LARGE1: variants seen among roughly 807,000 people sequenced by gnomAD.
LARGE1 encodes xylosyl- and glucuronyltransferase LARGE1.
Under a neutral mutation model 87.6 loss-of-function variants are expected in LARGE1, and 43 were observed. The ratio of observed to expected loss-of-function variants is 0.49; its 90% CI spans 0.38 to 0.63. The LOEUF (loss-of-function observed/expected upper bound fraction) is 0.63, where lower values mean the gene tolerates loss of function less well. Among genes scored for constraint, LARGE1 ranks in the 30% least tolerant of loss-of-function variants. LARGE1 has a pLI of 0.00. For missense variants in LARGE1, 802 were observed against 1,000.2 expected (o/e 0.80, Z 2.67); for synonymous variants, 434 against 394.6 (o/e 1.10, Z -1.18).
At chr22:33,799,412 G>T (rs1444164961) in intron 1 of LARGE1, among the ~76,000 whole-genome samples, 2 of 152,094 alleles carry the variant, frequency 1.3e-5, no homozygotes, top group Non-Finnish European at 2.9e-5. Context: ...AAAAAGGGAT[G>T]GCTGTTTTTG....
chr22:33,430,462 C>T (rs1255779164), intron 7 of LARGE1, among the ~76,000 whole-genome samples: 1 of 152,194 alleles, frequency 6.6e-6, no homozygotes, highest in Admixed American at 6.5e-5. Flanking sequence ...CCCCATCATC[C>T]AGCAACTAAA....
At chr22:33,585,016 C>T (rs570514477) in intron 5 of LARGE1, among the ~76,000 whole-genome samples, 1 of 152,252 alleles carries the variant, frequency 6.6e-6, no homozygotes, top group South Asian at 2.1e-4. Flanking sequence ...GCTCCAGAGG[C>T]TGAGGCATGA....
At chr22:33,365,467 T>A (rs1404339490) in intron 9 of LARGE1, among the ~76,000 whole-genome samples, 1 of 152,222 alleles carries the variant, frequency 6.6e-6, no homozygotes, top group Non-Finnish European at 1.5e-5. Context: ...TATCTTTTCA[T>A]GTGTTTATTG....
intron 2 of LARGE1, among the ~76,000 whole-genome samples, chr22:33,704,530 G>A (rs746459342): frequency 5.9e-5 from 9 of 152,094 alleles, no homozygotes; most frequent in Admixed American, 2.6e-4. Flanking sequence ...CATCTGCCGG[G>A]AGCCTCTCGC....
chr22:33,132,850 ATACACT>A, the LARGE1 span, among the ~76,000 whole-genome samples: 1 of 152,114 alleles, frequency 6.6e-6, no homozygotes, highest in Admixed American at 6.6e-5. Flanking sequence ...TGCATGTAAC[ATACACT>A]TTTAAGACGA....
At chr22:33,600,645 G>A (rs1435457974) in intron 5 of LARGE1, among the ~76,000 whole-genome samples, 1 of 145,126 alleles carries the variant, frequency 6.9e-6, no homozygotes. Context: ...GAAAGAAGGA[G>A]CAAAATGAAT....
intron 9 of LARGE1, among the ~76,000 whole-genome samples, chr22:33,365,259 T>C (rs1018782924): frequency 2.0e-5 from 3 of 152,110 alleles, no homozygotes; most frequent in Non-Finnish European, 1.5e-5. Flanking sequence ...AAGACCCAGA[T>C]TGTAAGGTAT....
the LARGE1 span, among the ~76,000 whole-genome samples, chr22:33,134,040 C>T: frequency 4.6e-5 from 7 of 152,208 alleles, no homozygotes; most frequent in Admixed American, 2.6e-4. Context: ...AAATCAAAGA[C>T]AATCACTCCT....
intron 1 of LARGE1, among the ~76,000 whole-genome samples, chr22:33,855,323 G>T (rs1442929257): frequency 6.6e-6 from 1 of 152,084 alleles, no homozygotes; most frequent in African/African-American, 2.4e-5. Flanking sequence ...AAGACAGCGG[G>T]ACCCCGTCTC....
At chr22:33,651,227 A>C in intron 2 of LARGE1, among the ~76,000 whole-genome samples, 1 of 128,418 alleles carries the variant, frequency 7.8e-6, no homozygotes, top group East Asian at 2.1e-4. Context: ...TAAAAATACA[A>C]AAAAAAAAAA....
chr22:33,910,157 A>T (rs1223528669), intron 1 of LARGE1, among the ~76,000 whole-genome samples: 1 of 152,138 alleles, frequency 6.6e-6, no homozygotes, highest in African/African-American at 2.4e-5. Context: ...AACTTATGAC[A>T]CATTTTTTGC....
intron 2 of LARGE1, among the ~76,000 whole-genome samples, chr22:33,692,538 T>A (rs1416617970): frequency 6.6e-6 from 1 of 152,238 alleles, no homozygotes; most frequent in Non-Finnish European, 1.5e-5. Flanking sequence ...CATGAACTCC[T>A]GACCTCAGGT....
intron 6 of LARGE1, among the ~76,000 whole-genome samples, chr22:33,490,882 T>C (rs1172988984): frequency 6.6e-6 from 1 of 152,220 alleles, no homozygotes; most frequent in Non-Finnish European, 1.5e-5. Flanking sequence ...TGTTCACCTC[T>C]TCCTACCATT....
At position 33,591,736 on chromosome 22, in the gene LARGE1, G is replaced by A. The variant is rs529837478; in HGVS notation, c.615+12699C>T. 1.2e-4 allele frequency among the ~76,000 whole-genome samples: 18 copies of A among 151,244 alleles called. 1 individual carries two copies. In the South Asian group the frequency reaches 3.8e-3, roughly 32 times the overall value. The stretch of plus-strand genomic sequence containing the variant: ...TTTAAGAAATCTCTCTGCCAGGCAT[G>A]GTGGCTCACACCTGTAATCCCAACA... On this transcript the variant is annotated intron_variant, in intron 5 of 14. Transcript: ENST00000397394.
intron 7 of LARGE1, among the ~76,000 whole-genome samples, chr22:33,387,525 T>TGG (rs57007465): frequency 0.065 from 7,187 of 109,846 alleles, 640 homozygotes; most frequent in African/African-American, 0.2. Flanking sequence ...TATTAAAAAA[T>TGG]GGGGGGGGGG....
Position 33,898,152 on chromosome 22 carries a change from G to C in LARGE1, c.-83+21843C>G, listed in dbSNP as rs1333464554. 2.6e-5 allele frequency among the ~76,000 whole-genome samples: 4 copies of C among 152,276 alleles called. No individual in the cohort carries two copies. In the East Asian group the frequency reaches 7.8e-4, roughly 30 times the overall value. On this transcript the variant is annotated intron_variant, in intron 1 of 14. Transcript: ENST00000397394. The stretch of plus-strand genomic sequence containing the variant: ...CGGCCCACAGGCCCCAAGAAAGCTT[G>C]AGCCAGGCTTAAAAGAGCTCCTGAA...
intron 1 of LARGE1, among the ~76,000 whole-genome samples, chr22:33,852,569 G>A (rs2063621621): frequency 6.6e-6 from 1 of 152,006 alleles, no homozygotes; most frequent in East Asian, 1.9e-4. Context: ...GATAAAGGCT[G>A]GGCACGGTGG....
chr22:33,816,685 TAGATAGACAGACAGACAGAC>T (rs1375119363), intron 1 of LARGE1, among the ~76,000 whole-genome samples: 2,848 of 133,378 alleles, frequency 0.021, 45 homozygotes, highest in Middle Eastern at 0.05. Context: ...GATAGATAGA[TAGATAGACAGACAGACAGAC>T]AGACAGACAG....
intron 11 of LARGE1, among the ~76,000 whole-genome samples, chr22:33,255,184 T>A (rs958137494): frequency 3.3e-5 from 5 of 152,202 alleles, no homozygotes; most frequent in Non-Finnish European, 7.3e-5. Context: ...GTGATCCGCC[T>A]GCCTCGGCCT....
Sources: gnomAD v4.1 joint callset for allele counts (sites outside exome capture counted in the v4.1 genomes callset) on GRCh38, gnomAD v4.1.1 for gene constraint, MANE v1.5 for transcripts, NCBI Gene and HGNC (gene_info 2026-07-23, HGNC 2026-07-21) for gene names.